ARID1A: variants seen among roughly 807,000 people sequenced by gnomAD.
ARID1A encodes the protein AT-rich interaction domain 1A.
Under a neutral mutation model 212.6 loss-of-function variants are expected in ARID1A, and 20 were observed. The ratio of observed to expected loss-of-function variants is 0.09; its 90% confidence interval spans 0.07 to 0.14. The LOEUF (loss-of-function observed/expected upper bound fraction) is 0.14. Among genes scored for constraint, ARID1A ranks in the 10% least tolerant of loss-of-function variants. The pLI, the probability that ARID1A is intolerant of heterozygous loss-of-function variation, is 1.00. For missense variants in ARID1A, 2,587 were observed against 3,059.0 expected, an observed-to-expected ratio of 0.85 and a Z score of 3.64; for synonymous variants, 1,376 against 1,222.1, an observed-to-expected ratio of 1.13 and a Z score of -2.63.
At position 26,779,154 on chromosome 1, in the gene ARID1A, G is replaced by A. The variant is rs1212746258; in HGVS notation, c.5256G>A (p.Lys1752=). Residue 1752 remains lysine, a synonymous_variant, in exon 20 of 20, where the codon AAG becomes AAA. Coordinates refer to ENST00000324856, the MANE Select transcript of ARID1A (RefSeq NM_006015.6). ...TACTGGATCCTGGGAGGTTCAGCAA[G>A]GTGTCTAGTCCAGCTCCCATGGAGG... The part of the protein sequence containing the change: ...RTLLDPGRFS[K]VSSPAPMEGG... 5 of 1,594,870 alleles carry A rather than the reference G, an allele frequency of 3.1e-6. No individual in the cohort carries two copies. In the South Asian group the frequency reaches 4.5e-5, roughly 14 times the overall value.
chr1:26,736,925 C>T (rs992222007), intron 4 of ARID1A, among the ~76,000 whole-genome samples: 1 of 150,916 alleles, frequency 6.6e-6, no homozygotes, highest in African/African-American at 2.4e-5. Flanking sequence ...AAAAAAAACC[C>T]TGCACAATAT....
chr1:26,722,395 G>T (rs1048463779), intron 1 of ARID1A, among the ~76,000 whole-genome samples: 1 of 152,118 alleles, frequency 6.6e-6, no homozygotes, highest in Admixed American at 6.6e-5. Flanking sequence ...ACAGGCACGT[G>T]CCACCATGCC....
At chr1:26,751,419 T>C (rs2080884308) in intron 4 of ARID1A, among the ~76,000 whole-genome samples, 1 of 152,184 alleles carries the variant, frequency 6.6e-6, no homozygotes, top group Non-Finnish European at 1.5e-5. Flanking sequence ...TTGTTGGCCT[T>C]ACCTCTATTG....
In ARID1A at chr1:26,775,590, A is replaced by C; in HGVS notation, c.5007A>C (p.Ala1669=). The change falls in exon 19 of 20, where the codon GCA becomes GCC. Residue 1669 remains alanine, a synonymous_variant. Coordinates refer to ENST00000324856, the MANE Select transcript of ARID1A (RefSeq NM_006015.6). ...LTMKDIGTPE[A]WRVMMSLKSG... is the part of the protein sequence containing the mutation. ...GGTTTATTTCAGGAACCCCGGAGGC[A>C]TGGCGGGTAATGATGTCCCTCAAGT... 6.2e-7 allele frequency: 1 copy of C among 1,614,092 alleles called. No homozygotes were observed. The highest frequency in any genetic ancestry group is 1.1e-5 in the South Asian group (1 of 91,072).
intron 1 of ARID1A, among the ~76,000 whole-genome samples, chr1:26,724,275 T>C (rs2080595654): frequency 1.3e-5 from 2 of 152,296 alleles, no homozygotes; most frequent in South Asian, 4.1e-4. Context: ...GACACCTTTT[T>C]GGCAGCTCCT....
At chr1:26,770,029 C>T (rs1330294325) in intron 11 of ARID1A, 2 of 152,340 alleles carry the variant, frequency 1.3e-5, no homozygotes, top group Non-Finnish European at 2.9e-5. Flanking sequence ...GCCTGGCCAA[C>T]ATGGCCAAAC....
chr1:26,703,169 G>T (rs868725608), intron 1 of ARID1A, among the ~76,000 whole-genome samples: 3 of 152,030 alleles, frequency 2.0e-5, no homozygotes, highest in African/African-American at 7.3e-5. Context: ...TCTGTTCCTG[G>T]GTCAGTACAA....
intron 1 of ARID1A, among the ~76,000 whole-genome samples, chr1:26,716,130 C>T (rs2080500166): frequency 1.3e-5 from 2 of 149,536 alleles, no homozygotes; most frequent in African/African-American, 2.5e-5. Context: ...CACTTGAACC[C>T]GGGAGGCAGA....
At chr1:26,760,322 C>T (rs1159431520) in intron 4 of ARID1A, among the ~76,000 whole-genome samples, 1 of 152,164 alleles carries the variant, frequency 6.6e-6, no homozygotes, top group Non-Finnish European at 1.5e-5. Flanking sequence ...TTGAAGGAGG[C>T]TTTATGGCCC....
Position 26,730,668 on chromosome 1 carries a change from C to G in ARID1A, c.1351-484C>G, listed in dbSNP as rs190110808. On this transcript the variant is annotated intron_variant, in intron 2 of 19. Transcript: ENST00000324856. ...TGGTACAAGTAATTGAGTAGGCTGT[C>G]AAATATTTTTTTTGAATGAAAACTA... is the stretch of plus-strand genomic sequence containing the variant. 1.1e-4 allele frequency among the ~76,000 whole-genome samples: 16 copies of G among 152,108 alleles called. No individual in the cohort carries two copies. The East Asian group carries it at 2.7e-3, about 26-fold the overall frequency.
Position 26,779,480 on chromosome 1 carries a change from G to A in ARID1A, c.5582G>A (p.Ser1861Asn), listed in dbSNP as rs2124140612. ...GAGCATATCCAGACCCACTTCGAGA[G>A]CAAGACAGAGCTGCTGCCTTCCCGG... The part of the protein sequence containing the change: ...TTEHIQTHFE[S>N]KTELLPSRPH... The change falls in exon 20 of 20, where the codon AGC becomes AAC. Residue 1861 changes from serine to asparagine, a missense_variant. Physicochemically the swap from Ser to Asn is conservative, Grantham distance 46. Coordinates refer to ENST00000324856, the MANE Select transcript of ARID1A (RefSeq NM_006015.6). 1 of 1,614,152 alleles carries A rather than the reference G, an allele frequency of 6.2e-7. No homozygotes were observed. Among genetic ancestry groups the A allele is most frequent in the Non-Finnish European group, 8.5e-7 (1 of 1,180,034 alleles).
chr1:26,767,354 G>T (rs897626364), intron 10 of ARID1A, among the ~76,000 whole-genome samples: 2 of 152,068 alleles, frequency 1.3e-5, no homozygotes, highest in African/African-American at 2.4e-5. Flanking sequence ...TGAGTTTTTC[G>T]ATTTCTCTAA....
chr1:26,712,312 C>G (rs1010435663), intron 1 of ARID1A, among the ~76,000 whole-genome samples: 1 of 152,152 alleles, frequency 6.6e-6, no homozygotes, highest in Non-Finnish European at 1.5e-5. Flanking sequence ...TCCCTCACCC[C>G]CTACTTCTTA....
chr1:26,731,052 G>A, intron 2 of ARID1A, 100 bp from the exon 3 acceptor site: 1 of 1,294,282 alleles, frequency 7.7e-7, no homozygotes. Context: ...TTGCATGCTT[G>A]CTTTCTATAC....
In ARID1A at chr1:26,765,827, G is replaced by T. The variant is rs1184151926; in HGVS notation, c.2733-394G>T. 6 of 159,032 alleles carry T rather than the reference G, an allele frequency of 3.8e-5. No individual in the cohort carries two copies. The East Asian group carries it at 9.1e-4, about 24-fold the overall frequency. The allele number at this position is 159,032 out of a possible 1,614,324, so 9.9% of individuals were successfully genotyped here. The stretch of plus-strand genomic sequence containing the variant: ...TGCAGTGAGCCGAGATTTCACCATT[G>T]CACTCCAGCCTGGGCAACAAGAGTG... On this transcript the variant is annotated intron_variant, in intron 8 of 19. Coordinates refer to ENST00000324856, the MANE Select transcript of ARID1A (RefSeq NM_006015.6).
chr1:26,750,870 A>C (rs1450982218), intron 4 of ARID1A, among the ~76,000 whole-genome samples: 1 of 152,050 alleles, frequency 6.6e-6, no homozygotes, highest in East Asian at 1.9e-4. Flanking sequence ...TGTACCCTTT[A>C]ATTTAGCATA....
At chr1:26,704,927 C>T (rs991587303) in intron 1 of ARID1A, among the ~76,000 whole-genome samples, 5 of 151,968 alleles carry the variant, frequency 3.3e-5, no homozygotes, top group Admixed American at 6.6e-5. Flanking sequence ...TGCTGCTCAC[C>T]AATGCTTAAT....
At chr1:26,709,626 CTTT>C (rs57532083) in intron 1 of ARID1A, among the ~76,000 whole-genome samples, 5 of 118,496 alleles carry the variant, frequency 4.2e-5, no homozygotes, top group Admixed American at 1.8e-4. Context: ...TACTGTAATG[CTTT>C]TTTTTTTTTT....
chr1:26,728,352 A>G (rs1397006363), intron 1 of ARID1A, among the ~76,000 whole-genome samples: 1 of 152,208 alleles, frequency 6.6e-6, no homozygotes, highest in African/African-American at 2.4e-5. Flanking sequence ...AACACTTAAT[A>G]GCATTATTAA....
Sources: gnomAD v4.1 joint callset for allele counts (sites outside exome capture counted in the v4.1 genomes callset) on GRCh38, gnomAD v4.1.1 for gene constraint, MANE v1.5 for transcripts, NCBI Gene and HGNC (gene_info 2026-07-23, HGNC 2026-07-21) for gene names.